ASCC1: variants seen among roughly 807,000 people sequenced by gnomAD.
The protein encoded by ASCC1 is activating signal cointegrator 1 complex subunit 1, also known as ASC-1 complex subunit P50.
ASCC1 carries 35 observed loss-of-function variants against 46.6 expected under a neutral mutation model. The observed-to-expected ratio is 0.75, with a 90% CI of 0.57 to 0.99. ASCC1 has a LOEUF of 0.99. Among genes scored for constraint, ASCC1 ranks in the 50% least tolerant of loss-of-function variants. The pLI, the probability that ASCC1 is intolerant of heterozygous loss-of-function variation, is 0.00. For missense variants in ASCC1, 376 were observed against 428.7 expected (o/e 0.88, Z 1.09); for synonymous variants, 143 against 146.6 (o/e 0.98, Z 0.18).
rs187339761 is a variant in ASCC1, at chr10:72,119,979, G to A, written c.957+8103C>T. On this transcript the variant is annotated intron_variant, in intron 9 of 9. Coordinates refer to ENST00000672957, the MANE Select transcript of ASCC1 (RefSeq NM_001198800.3). ...AGGCTGGGTGCAGTGGCTCACGCCT[G>A]TAATCCCAGCACTTTTGGAGGCCGA... 6.9e-4 allele frequency among the ~76,000 whole-genome samples: 105 copies of A among 152,330 alleles called. 4 individuals carry two copies. The East Asian group carries it at 0.019, about 28-fold the overall frequency.
At chr10:72,168,893 AC>A (rs1400259124) in intron 5 of ASCC1, among the ~76,000 whole-genome samples, 1 of 152,222 alleles carries the variant, frequency 6.6e-6, no homozygotes. Context: ...CTAAGAGAAA[AC>A]AAATTTCTAT....
At chr10:72,190,474 C>T (rs1854251952) in intron 5 of ASCC1, 1 of 1,598,670 alleles carries the variant, frequency 6.3e-7, no homozygotes, top group Non-Finnish European at 8.5e-7. Flanking sequence ...GCCGAAAGAG[C>T]CGTGGCCTTG....
chr10:72,174,344 G>A (rs1851607678), intron 5 of ASCC1, among the ~76,000 whole-genome samples: 2 of 152,010 alleles, frequency 1.3e-5, no homozygotes. Flanking sequence ...CAATTAACAA[G>A]ACATAATAAA....
chr10:72,134,741 G>T (rs1052297396), intron 7 of ASCC1, among the ~76,000 whole-genome samples: 46 of 152,222 alleles, frequency 3.0e-4, no homozygotes, highest in African/African-American at 1.0e-3. Flanking sequence ...CAGCCACCTG[G>T]GAACCAGCAA....
At chr10:72,115,084 G>A (rs750121296) in intron 9 of ASCC1, among the ~76,000 whole-genome samples, 1 of 152,206 alleles carries the variant, frequency 6.6e-6, no homozygotes, top group Non-Finnish European at 1.5e-5. Context: ...GGTGGGCCAC[G>A]TTTGGCCTTC....
chr10:72,190,920 C>T (rs1201954298), intron 5 of ASCC1, among the ~76,000 whole-genome samples: 4 of 140,104 alleles, frequency 2.9e-5, no homozygotes, highest in African/African-American at 8.2e-5. Context: ...CGCTTGAACC[C>T]GGGAGGCGGA....
intron 9 of ASCC1, 143 bp from the exon 10 acceptor site, chr10:72,097,593 T>C: frequency 3.3e-6 from 2 of 604,658 alleles, no homozygotes; most frequent in Non-Finnish European, 6.0e-6. Flanking sequence ...TTACTCTGAA[T>C]AATGATCCAG....
intron 4 of ASCC1, among the ~76,000 whole-genome samples, chr10:72,197,668 G>A (rs1254244405): frequency 1.3e-5 from 2 of 151,848 alleles, no homozygotes; most frequent in Admixed American, 6.6e-5. Context: ...CACTTTGGGA[G>A]GCTGAGGTGG....
intron 3 of ASCC1, among the ~76,000 whole-genome samples, chr10:72,210,099 C>G (rs1857831441): frequency 6.6e-6 from 1 of 151,968 alleles, no homozygotes; most frequent in African/African-American, 2.4e-5. Flanking sequence ...GAGGCCTCCC[C>G]AGATGCTGGT....
intron 7 of ASCC1, among the ~76,000 whole-genome samples, chr10:72,139,118 T>C (rs1231531036): frequency 1.3e-5 from 2 of 148,954 alleles, no homozygotes; most frequent in Non-Finnish European, 3.0e-5. Context: ...CTTTTTCTTT[T>C]TTTTTTTTTT....
intron 4 of ASCC1, among the ~76,000 whole-genome samples, chr10:72,199,656 A>C (rs1416625220): frequency 2.0e-5 from 3 of 151,968 alleles, no homozygotes; most frequent in African/African-American, 7.2e-5. Context: ...GGATGGTCTC[A>C]ATCTCCTGAC....
intron 9 of ASCC1, among the ~76,000 whole-genome samples, chr10:72,127,068 A>G (rs1335640758): frequency 6.6e-6 from 1 of 152,218 alleles, no homozygotes; most frequent in Non-Finnish European, 1.5e-5. Context: ...CTGTAAAGAG[A>G]CAACATAAGG....
chr10:72,157,537 CT>C (rs1184636849), intron 6 of ASCC1, among the ~76,000 whole-genome samples: 1 of 152,114 alleles, frequency 6.6e-6, no homozygotes, highest in Non-Finnish European at 1.5e-5. Flanking sequence ...ATGTTTTTAT[CT>C]TCTGCAAAAT....
intron 9 of ASCC1, among the ~76,000 whole-genome samples, chr10:72,105,364 C>T (rs1173519401): frequency 1.3e-5 from 2 of 152,216 alleles, no homozygotes; most frequent in African/African-American, 4.8e-5. Flanking sequence ...CTTCTGCCAG[C>T]ACCCAAAATG....
At chr10:72,144,866 G>C (rs918996275) in intron 7 of ASCC1, among the ~76,000 whole-genome samples, 1 of 151,876 alleles carries the variant, frequency 6.6e-6, no homozygotes. Context: ...ATTTACCCAC[G>C]ATTGCTTTCT....
chr10:72,211,971 G>A (rs566613315), intron 2 of ASCC1, among the ~76,000 whole-genome samples: 5 of 152,256 alleles, frequency 3.3e-5, no homozygotes, highest in African/African-American at 1.2e-4. Flanking sequence ...ATCACCCGAA[G>A]TCAGGAGTTT....
chr10:72,158,298 C>T (rs949134925), intron 6 of ASCC1, among the ~76,000 whole-genome samples: 3 of 152,192 alleles, frequency 2.0e-5, no homozygotes, highest in African/African-American at 7.2e-5. Context: ...TGTTTGTTCA[C>T]GCGTATTTTC....
chr10:72,139,883 A>G (rs1846754498), intron 7 of ASCC1, among the ~76,000 whole-genome samples: 1 of 152,194 alleles, frequency 6.6e-6, no homozygotes. Flanking sequence ...CTTGTTATTA[A>G]TAGATCTACA....
chr10:72,183,494 C>T (rs1852960119), intron 5 of ASCC1, among the ~76,000 whole-genome samples: 1 of 151,886 alleles, frequency 6.6e-6, no homozygotes, highest in Non-Finnish European at 1.5e-5. Context: ...CCCATCTCTA[C>T]AAAAATTAGC....
Sources: gnomAD v4.1 joint callset for allele counts (sites outside exome capture counted in the v4.1 genomes callset) on GRCh38, gnomAD v4.1.1 for gene constraint, MANE v1.5 for transcripts, NCBI Gene and HGNC (gene_info 2026-07-23, HGNC 2026-07-21) for gene names.